Variants in TAF1 observed in about 807,000 individuals in gnomAD.
TAF1 encodes the protein transcription initiation factor TFIID subunit 1.
Under a neutral mutation model 138.5 loss-of-function variants are expected in TAF1, and 2 were observed. The ratio of observed to expected loss-of-function variants is 0.01; its 90% CI spans 0.01 to 0.05. The LOEUF (loss-of-function observed/expected upper bound fraction) is 0.05, where lower values mean the gene tolerates loss of function less well. Ranked by LOEUF, TAF1 falls within the 10% of genes least tolerant of loss-of-function variation. The pLI is 1.00. For missense variants in TAF1, 709 were observed against 1,478.0 expected (o/e 0.48, Z 8.53); for synonymous variants, 437 against 503.2 (o/e 0.87, Z 1.76).
rs562591817 is a variant in TAF1, at chrX:71,418,916, C to T, written c.4385-2393C>T. The stretch of plus-strand genomic sequence containing the variant: ...CTGAGTAGCTGGGATTACAGGCATG[C>T]GCCACCATACCCAGCTAATTTTGTA... On this transcript the variant is annotated intron_variant, in intron 28 of 37. Transcript: ENST00000423759. 2.0e-4 allele frequency among the ~76,000 whole-genome samples: 22 copies of T among 110,229 alleles called. No homozygotes were observed. The East Asian group carries it at 4.6e-3, about 23-fold the overall frequency.
intron 28 of TAF1, among the ~76,000 whole-genome samples, chrX:71,420,983 C>G (rs1006404132): frequency 1.4e-4 from 16 of 112,972 alleles, no homozygotes; most frequent in African/African-American, 5.2e-4. Flanking sequence ...CCGCTGCCGC[C>G]TGCTCACTCT....
chrX:71,454,356 C>T (rs765595193), intron 33 of TAF1, 119 bp downstream of exon 33: 31 of 594,584 alleles, frequency 5.2e-5, no homozygotes, highest in Non-Finnish European at 8.0e-5. Context: ...GTGGTCCCAG[C>T]TACTCGTCTG....
intron 13 of TAF1, among the ~76,000 whole-genome samples, chrX:71,475,991 C>A (rs932943528): frequency 1.8e-5 from 2 of 111,488 alleles, no homozygotes; most frequent in Non-Finnish European, 3.8e-5. Context: ...CATGCTGGCT[C>A]CCCTTCAGCT....
Position 71,406,706 on chromosome X carries a change from A to G in TAF1, c.4067A>G (p.Lys1356Arg), listed in dbSNP as rs150475691. 8.3e-7 allele frequency: 1 copy of G among 1,207,925 alleles called. No individual in the cohort carries two copies. Among genetic ancestry groups the G allele is most frequent in the African/African-American group, 1.7e-5 (1 of 57,460 alleles). Residue 1356 changes from lysine (K) to arginine (R), a missense_variant, in exon 26 of 38, where the codon AAA (lysine) becomes AGA (arginine). Coordinates refer to ENST00000423759, the MANE Select transcript of TAF1 (RefSeq NM_004606.5). ...AAACAGCAGCTTCCTCCAAAGAAGA[A>G]ACGGCGAGTTGGAACCACTGTTCAC... Reference protein sequence around the residue: ...FPKQQLPPKKKRRVGTTVHCD... With the variant: ...FPKQQLPPKKRRRVGTTVHCD...
At chrX:71,418,064 A>G (rs1279239617) in intron 28 of TAF1, among the ~76,000 whole-genome samples, 2 of 111,858 alleles carry the variant, frequency 1.8e-5, no homozygotes, top group African/African-American at 3.2e-5. Flanking sequence ...TTTTCAAGTC[A>G]TTTCTTTGAC....
chrX:71,502,988 C>A (rs1428835193), intron 13 of TAF1, among the ~76,000 whole-genome samples: 7 of 106,790 alleles, frequency 6.6e-5, no homozygotes, highest in Non-Finnish European at 9.6e-5. Context: ...AAACAAAAAA[C>A]CAGGCCAGGC....
At position 71,449,192 on chromosome X, in the gene TAF1, A is replaced by G. The variant is rs575955557; in HGVS notation, c.4754-4978A>G. ...CTTTTAGCAGAGACGGGGTTTCTCC[A>G]TGTTGGTCAGGCTGGTCTCGAACTC... On this transcript the variant is annotated intron_variant, in intron 32 of 37. Coordinates refer to ENST00000423759, the MANE Select transcript of TAF1 (RefSeq NM_004606.5). 4.5e-5 allele frequency among the ~76,000 whole-genome samples: 5 copies of G among 111,824 alleles called. No individual in the cohort carries two copies. In the East Asian group the frequency reaches 1.4e-3, roughly 31 times the overall value.
At chrX:71,395,612 CGA>C (rs1357103276) in intron 22 of TAF1, among the ~76,000 whole-genome samples, 1 of 111,618 alleles carries the variant, frequency 9.0e-6, no homozygotes, top group Non-Finnish European at 1.9e-5. Flanking sequence ...GTTGATACTG[CGA>C]GAGAGGATAA....
chrX:71,410,263 AC>A (rs1302758047), intron 28 of TAF1, among the ~76,000 whole-genome samples: 2 of 110,194 alleles, frequency 1.8e-5, no homozygotes, highest in African/African-American at 6.6e-5. Flanking sequence ...TTCCAGATGA[AC>A]ATACAGGCCC....
At chrX:71,405,549 C>T (rs1329035029) in intron 25 of TAF1, among the ~76,000 whole-genome samples, 1 of 111,889 alleles carries the variant, frequency 8.9e-6, no homozygotes, top group African/African-American at 3.3e-5. Context: ...TGGGGTTTCA[C>T]CATGTTGGTC....
chrX:71,524,924 G>T (rs1243284583), intron 13 of TAF1, among the ~76,000 whole-genome samples: 2 of 97,197 alleles, frequency 2.1e-5, no homozygotes, highest in Non-Finnish European at 4.0e-5. Context: ...CTAGGTGACA[G>T]AGTGAGACTC....
At chrX:71,460,512 CAAGATACCT>C in intron 36 of TAF1, 105 bp from the exon 37 acceptor site, 1 of 881,155 alleles carries the variant, frequency 1.1e-6, no homozygotes, top group Non-Finnish European at 1.6e-6. Context: ...GGCGTATAGG[CAAGATACCT>C]GTGTAGATGT....
chrX:71,483,768 C>CTATATA (rs1456164128), intron 13 of TAF1, among the ~76,000 whole-genome samples: 1 of 77,534 alleles, frequency 1.3e-5, no homozygotes, highest in Non-Finnish European at 2.4e-5. Flanking sequence ...CTCTCTCTCT[C>CTATATA]TCTCTCTCTC....
chrX:71,488,609 A>G (rs748414736), intron 13 of TAF1, among the ~76,000 whole-genome samples: 1 of 111,080 alleles, frequency 9.0e-6, no homozygotes, highest in East Asian at 2.8e-4. Context: ...CTGTGCAGCT[A>G]TCTTTTCTCC....
At chrX:71,442,576 G>T (rs1020476489) in intron 32 of TAF1, among the ~76,000 whole-genome samples, 1 of 111,586 alleles carries the variant, frequency 9.0e-6, no homozygotes, top group Non-Finnish European at 1.9e-5. Context: ...TTGTCAGATG[G>T]GTAGATTGCA....
intron 13 of TAF1, among the ~76,000 whole-genome samples, chrX:71,481,580 CAG>C (rs1438166185): frequency 3.6e-5 from 4 of 111,092 alleles, no homozygotes; most frequent in African/African-American, 1.3e-4. Context: ...TTTTTTGAGA[CAG>C]AGTCTCGCTC....
At chrX:71,446,222 T>A (rs2037691065) in intron 32 of TAF1, among the ~76,000 whole-genome samples, 1 of 111,433 alleles carries the variant, frequency 9.0e-6, no homozygotes, top group Non-Finnish European at 1.9e-5. Flanking sequence ...AGTTGTTCAC[T>A]ATTTTATATT....
intron 32 of TAF1, among the ~76,000 whole-genome samples, chrX:71,434,196 C>T (rs755813262): frequency 2.7e-5 from 3 of 111,702 alleles, no homozygotes; most frequent in Admixed American, 1.9e-4. Context: ...GACCCTGTCT[C>T]TAAAAAAATT....
intron 28 of TAF1, among the ~76,000 whole-genome samples, chrX:71,419,209 A>T (rs1297065091): frequency 2.7e-5 from 3 of 111,377 alleles, no homozygotes; most frequent in African/African-American, 9.8e-5. Context: ...CGGTCTATTT[A>T]GGCATTCTTT....
Sources: gnomAD v4.1 joint callset for allele counts (sites outside exome capture counted in the v4.1 genomes callset) on GRCh38, gnomAD v4.1.1 for gene constraint, MANE v1.5 for transcripts, NCBI Gene and HGNC (gene_info 2026-07-23, HGNC 2026-07-21) for gene names.